The following ZFPM1 variants were observed in gnomAD, a reference collection of about 807,000 sequenced individuals.
ZFPM1 encodes zinc finger protein ZFPM1.
A neutral mutation model predicts 46.3 loss-of-function variants in ZFPM1; 28 were observed. That is an observed-to-expected ratio of 0.60 (90% CI 0.45 to 0.83). ZFPM1 has a LOEUF of 0.83. Among genes scored for constraint, ZFPM1 ranks in the 40% least tolerant of loss-of-function variants. The probability of loss-of-function intolerance (pLI) is 0.00; values close to 1 mark genes in which losing one functional copy is unlikely to be tolerated. For synonymous variants in ZFPM1, 957 were observed against 675.9 expected, an observed-to-expected ratio of 1.42 and a Z score of -6.45; for missense variants, 1,878 against 1,432.4, an observed-to-expected ratio of 1.31 and a Z score of -5.02.
chr16:88,521,762 CCCCTGTGCTGTTCCCACA>C (rs1330860056), intron 4 of ZFPM1, among the ~76,000 whole-genome samples: 13 of 140,950 alleles, frequency 9.2e-5, no homozygotes, highest in South Asian at 7.2e-4. Context: ...GCTGTTCCCT[CCCCTGTGCTGTTCCCACA>C]CCCTGTGCTG....
At position 88,461,074 on chromosome 16, in the gene ZFPM1, A is replaced by G. The variant is rs935659823; in HGVS notation, c.40+7396A>G. On this transcript the variant is annotated intron_variant, in intron 1 of 9. Transcript: ENST00000319555. ...GAGGCCCTGGTGAGGACCCAGGGGC[A>G]GAAGGTCTGGTGAGGACCAAGGGGC... 1.9e-3 allele frequency among the ~76,000 whole-genome samples: 122 copies of G among 63,444 alleles called. 16 individuals carry two copies. The highest frequency in any genetic ancestry group is 7.8e-3 in the African/African-American group (73 of 9,354). 41.6% of individuals were successfully genotyped at this position (63,444 alleles called of 152,430 possible).
chr16:88,507,574 A>T (rs1910730157), intron 3 of ZFPM1, among the ~76,000 whole-genome samples: 1 of 152,148 alleles, frequency 6.6e-6, no homozygotes, highest in Non-Finnish European at 1.5e-5. Flanking sequence ...GACTCAGAGG[A>T]CGGTGCTCAG....
intron 4 of ZFPM1, among the ~76,000 whole-genome samples, chr16:88,524,623 G>T (rs1432891701): frequency 1.3e-5 from 2 of 152,250 alleles, no homozygotes; most frequent in African/African-American, 4.8e-5. Context: ...GCCAGGGCTG[G>T]AGCTAATATG....
chr16:88,490,447 G>A (rs1909499178), intron 3 of ZFPM1, among the ~76,000 whole-genome samples: 1 of 152,250 alleles, frequency 6.6e-6, no homozygotes, highest in African/African-American at 2.4e-5. Flanking sequence ...ACACCAGCAG[G>A]GCCCCGTCTG....
chr16:88,508,799 C>T (rs564831687), intron 3 of ZFPM1, among the ~76,000 whole-genome samples: 65 of 152,336 alleles, frequency 4.3e-4, no homozygotes, highest in Middle Eastern at 3.4e-3. Context: ...ACCCAGATTA[C>T]GGGCTTTTCC....
chr16:88,525,443 A>G (rs2142469545), intron 4 of ZFPM1, among the ~76,000 whole-genome samples: 1 of 152,322 alleles, frequency 6.6e-6, no homozygotes, highest in East Asian at 1.9e-4. Context: ...TTTGTAGGTG[A>G]CACTGGCTTT....
At chr16:88,504,978 G>A (rs375446095) in intron 3 of ZFPM1, among the ~76,000 whole-genome samples, 3 of 152,226 alleles carry the variant, frequency 2.0e-5, no homozygotes, top group Admixed American at 1.3e-4. Context: ...ATTCCCAGGC[G>A]GTCCCAGCTC....
intron 3 of ZFPM1, among the ~76,000 whole-genome samples, chr16:88,491,738 G>A (rs1488292060): frequency 3.9e-5 from 6 of 152,232 alleles, no homozygotes; most frequent in African/African-American, 1.2e-4. Flanking sequence ...AGGACCAGGC[G>A]GTGCCCTATC....
chr16:88,496,118 A>T (rs184112406), intron 3 of ZFPM1, among the ~76,000 whole-genome samples: 1 of 152,138 alleles, frequency 6.6e-6, no homozygotes, highest in Non-Finnish European at 1.5e-5. Context: ...TCCAGAGGGC[A>T]CCTGGCAGTG....
At position 88,516,743 on chromosome 16, in the gene ZFPM1, ACGTTGCCTCCTGCCCGGAT is replaced by A. The variant is rs984162923; in HGVS notation, c.402+2226_402+2244del. The A allele has an allele frequency of 9.3e-5, 37 of 395,798 alleles. No individual in the cohort carries two copies. The Admixed American group carries it at 1.3e-3, about 14-fold the overall frequency. 24.5% of individuals were successfully genotyped at this position (395,798 alleles called of 1,614,324 possible). ...TCTCCCCGACCCCTCCCTGAGGAGGACGTTGCCTCCTGCCCGGATCGCCCCAGCTGCTGCCAGTTTTTCT... is the reference window on the plus strand; with the variant it reads ...TCTCCCCGACCCCTCCCTGAGGAGGACGCCCCAGCTGCTGCCAGTTTTTCT... On this transcript the variant is annotated intron_variant, in intron 4 of 9. Coordinates refer to ENST00000319555, the MANE Select transcript of ZFPM1 (RefSeq NM_153813.3).
In ZFPM1 at chr16:88,489,803, C is replaced by T. The variant is rs565773582; in HGVS notation, c.268+650C>T. Among the ~76,000 whole-genome samples the T allele has an allele frequency of 8.5e-5, 13 of 152,328 alleles. No individual in the cohort carries two copies. In the South Asian group the frequency reaches 2.3e-3, roughly 27 times the overall value. The stretch of plus-strand genomic sequence containing the variant: ...ACTGTGAATTCCATTCATTTATGAA[C>T]GCAGGAAATACTGGCAGTCAGGTTG... On this transcript the variant is annotated intron_variant, in intron 3 of 9. Coordinates refer to ENST00000319555, the MANE Select transcript of ZFPM1 (RefSeq NM_153813.3).
At chr16:88,502,477 C>A (rs1217447479) in intron 3 of ZFPM1, among the ~76,000 whole-genome samples, 1 of 152,190 alleles carries the variant, frequency 6.6e-6, no homozygotes, top group African/African-American at 2.4e-5. Context: ...CGCCCGGGGC[C>A]ATGGACAGGG....
intron 4 of ZFPM1, among the ~76,000 whole-genome samples, chr16:88,515,261 T>G (rs1911226529): frequency 1.3e-5 from 2 of 152,224 alleles, no homozygotes; most frequent in African/African-American, 2.4e-5. Flanking sequence ...CACAGCCTTT[T>G]GCAGCTGAGC....
At chr16:88,517,385 T>A (rs1911400562) in intron 4 of ZFPM1, among the ~76,000 whole-genome samples, 1 of 143,292 alleles carries the variant, frequency 7.0e-6, no homozygotes, top group South Asian at 2.3e-4. Context: ...GATGGGTGGA[T>A]GGGTGGATGC....
At chr16:88,491,116 C>A (rs1235990451) in intron 3 of ZFPM1, among the ~76,000 whole-genome samples, 1 of 152,016 alleles carries the variant, frequency 6.6e-6, no homozygotes, top group Non-Finnish European at 1.5e-5. Context: ...GGGTCCCAGT[C>A]AGGTGCTGGT....
At chr16:88,472,388 T>A (rs191576939) in intron 1 of ZFPM1, among the ~76,000 whole-genome samples, 114 of 150,180 alleles carry the variant, frequency 7.6e-4, no homozygotes, top group Non-Finnish European at 1.4e-3. Context: ...TGAGTCTCGC[T>A]GTGTCGCCAG....
chr16:88,534,457 G>A lies in ZFPM1; in HGVS notation c.2499G>A (p.Leu833=), dbSNP rs1913114057. Residue 833 remains leucine (L), a synonymous_variant, in exon 10 of 10, where the codon CTG becomes CTA. Coordinates refer to ENST00000319555, the MANE Select transcript of ZFPM1 (RefSeq NM_153813.3). ...GCTTCCACAGCCTCGAGGCCTACCTGGCGCACAAGAAGTACTCGTGCCCCG... is the reference window on the plus strand; with the variant it reads ...GCTTCCACAGCCTCGAGGCCTACCTAGCGCACAAGAAGTACTCGTGCCCCG... ...RVSFHSLEAY[L]AHKKYSCPAA... is the part of the protein sequence containing the mutation. The A allele has an allele frequency of 8.7e-6, 13 of 1,496,598 alleles. No individual in the cohort carries two copies. The highest frequency in any genetic ancestry group is 1.2e-5 in the Non-Finnish European group (13 of 1,130,042). 92.7% of individuals were successfully genotyped at this position (1,496,598 alleles called of 1,614,324 possible).
chr16:88,453,768 G>C, intron 1 of ZFPM1, 90 bp downstream of exon 1: 1 of 794,428 alleles, frequency 1.3e-6, no homozygotes, highest in South Asian at 5.5e-5. Flanking sequence ...TCCCCGCTCT[G>C]CCCTGGGCGC....
At chr16:88,504,341 A>AC (rs1262627190) in intron 3 of ZFPM1, among the ~76,000 whole-genome samples, 1 of 151,776 alleles carries the variant, frequency 6.6e-6, no homozygotes, top group African/African-American at 2.4e-5. Context: ...AGAGCCAGGG[A>AC]CCCCCACCCC....
Sources: allele counts gnomAD v4.1 joint callset (sites outside exome capture counted in the v4.1 genomes callset), GRCh38; gene constraint gnomAD v4.1.1; transcripts MANE v1.5; gene names NCBI Gene and HGNC (gene_info 2026-07-23, HGNC 2026-07-21).